WDR49: variants seen among roughly 807,000 people sequenced by gnomAD.
WDR49 encodes WD repeat domain 49.
In WDR49, 107 loss-of-function variants were observed where a neutral mutation model predicts 119.5. That is an observed-to-expected ratio of 0.90 (90% CI 0.77 to 1.05). The LOEUF is 1.05. WDR49 is among the 50% of genes least tolerant of loss of function. WDR49 has a pLI of 0.00. For synonymous variants in WDR49, 425 were observed against 418.8 expected (o/e 1.01, Z -0.18); for missense variants, 1,240 against 1,220.5 (o/e 1.02, Z -0.24).
At chr3:167,542,486 C>G (rs903329797) in intron 10 of WDR49, among the ~76,000 whole-genome samples, 2 of 151,918 alleles carry the variant, frequency 1.3e-5, no homozygotes, top group East Asian at 1.9e-4. Flanking sequence ...CAAAAGGAAC[C>G]CTCAAAACTA....
At chr3:167,488,780 G>T (rs532179974) in intron 18 of WDR49, among the ~76,000 whole-genome samples, 9 of 152,092 alleles carry the variant, frequency 5.9e-5, no homozygotes, top group African/African-American at 2.2e-4. Flanking sequence ...TTTTTGCCCA[G>T]GCAACATGGT....
chr3:167,494,495 C>A (rs1250037902), intron 18 of WDR49, among the ~76,000 whole-genome samples: 1 of 151,754 alleles, frequency 6.6e-6, no homozygotes, highest in African/African-American at 2.4e-5. Context: ...AGATAAATTA[C>A]AAATGATATG....
intron 7 of WDR49, among the ~76,000 whole-genome samples, chr3:167,592,519 C>T (rs1441200853): frequency 2.0e-5 from 3 of 151,086 alleles, no homozygotes; most frequent in Non-Finnish European, 4.4e-5. Flanking sequence ...ACTGAAACCT[C>T]TACCTCCTGG....
At chr3:167,584,344 C>T (rs1034903958) in intron 7 of WDR49, among the ~76,000 whole-genome samples, 2 of 152,096 alleles carry the variant, frequency 1.3e-5, no homozygotes, top group Non-Finnish European at 2.9e-5. Context: ...ACTGAGAGCT[C>T]TTTCTCAATA....
At position 167,560,235 on chromosome 3, in the gene WDR49, G is replaced by T; in HGVS notation, c.1510-7C>A. On this transcript the variant is annotated splice_polypyrimidine_tract_variant and splice_region_variant and intron_variant, in intron 8 of 18. Transcript: ENST00000682715. The stretch of plus-strand genomic sequence containing the variant: ...CTGTATCAGAGCTGATTACCTAAGA[G>T]AAAATAACATTTTAAAGAAATTAAA... 1 of 1,605,618 alleles carries T rather than the reference G, an allele frequency of 6.2e-7. No individual in the cohort carries two copies. The highest frequency in any genetic ancestry group is 1.1e-5 in the South Asian group (1 of 89,850).
chr3:167,542,944 G>T (rs1234925399), intron 10 of WDR49, among the ~76,000 whole-genome samples: 3 of 151,938 alleles, frequency 2.0e-5, no homozygotes, highest in Non-Finnish European at 4.4e-5. Flanking sequence ...AGCTAAATTA[G>T]AAATGAAATG....
intron 18 of WDR49, 64 bp downstream of exon 18, chr3:167,500,089 T>G: frequency 6.9e-7 from 1 of 1,457,212 alleles, no homozygotes; most frequent in Non-Finnish European, 9.1e-7. Flanking sequence ...TCTTCTACTC[T>G]ATTTTTAAAT....
intron 7 of WDR49, among the ~76,000 whole-genome samples, chr3:167,586,568 C>G (rs1714825771): frequency 6.6e-6 from 1 of 152,158 alleles, no homozygotes; most frequent in South Asian, 2.1e-4. Context: ...ATCAAAAGCT[C>G]TTGAAAACAT....
chr3:167,577,581 T>C lies in WDR49; in HGVS notation c.1276-1430A>G, dbSNP rs184993115. On this transcript the variant is annotated intron_variant, in intron 7 of 18. Transcript: ENST00000682715. ...TCTACCTCACCTAATGCTATGAGAATTAAATGAGAGTCTATGTCAAGCACT... is the reference window on the plus strand; with the variant it reads ...TCTACCTCACCTAATGCTATGAGAACTAAATGAGAGTCTATGTCAAGCACT... 5.9e-5 allele frequency among the ~76,000 whole-genome samples: 9 copies of C among 152,244 alleles called. No homozygotes were observed. The East Asian group carries it at 1.5e-3, about 26-fold the overall frequency.
intron 9 of WDR49, among the ~76,000 whole-genome samples, chr3:167,559,352 A>C (rs1016038148): frequency 1.5e-4 from 23 of 152,184 alleles, no homozygotes; most frequent in Admixed American, 3.3e-4. Context: ...GCCATTTCCA[A>C]TCAAAGACTC....
At chr3:167,486,304 T>G (rs527966419) in intron 18 of WDR49, among the ~76,000 whole-genome samples, 4 of 152,106 alleles carry the variant, frequency 2.6e-5, no homozygotes, top group Non-Finnish European at 5.9e-5. Flanking sequence ...AAAACACACT[T>G]AAGTGCATAG....
rs1172498769 is a variant in WDR49 at position 167,529,060 on chromosome 3, T to C, written c.2398A>G (p.Asn800Asp). ...GDLDGWLKIW[N>D]IEEYCLNSSK... ...AATGTTTTTCAATTTACCTCTATAT[T>C]CCAGATTTTCAACCATCCATCAAGA... is the stretch of plus-strand genomic sequence containing the variant. The change falls in exon 14 of 19, where the codon AAT becomes GAT. Residue 800 changes from asparagine (N) to aspartate (D), a missense_variant. Asn to Asp is a conservative substitution (Grantham distance 23). Transcript: ENST00000682715. 1 of 1,576,734 alleles carries C rather than the reference T, an allele frequency of 6.3e-7. No homozygotes were observed. The highest frequency in any genetic ancestry group is 2.3e-5 in the East Asian group (1 of 44,186).
intron 7 of WDR49, among the ~76,000 whole-genome samples, chr3:167,586,401 G>A (rs7613933): frequency 0.58 from 87,694 of 152,038 alleles, 27,887 homozygotes; most frequent in African/African-American, 0.86. Flanking sequence ...AGCAAAATAC[G>A]ATTGAACTCT....
intron 10 of WDR49, among the ~76,000 whole-genome samples, chr3:167,541,727 C>T (rs1391976371): frequency 1.3e-5 from 2 of 151,974 alleles, no homozygotes; most frequent in African/African-American, 2.4e-5. Context: ...ATGTAAAAGG[C>T]CTAAATGCTC....
intron 18 of WDR49, among the ~76,000 whole-genome samples, chr3:167,484,689 CAAA>C (rs11354730): frequency 1.4e-3 from 169 of 119,378 alleles, no homozygotes; most frequent in East Asian, 1.4e-3. Flanking sequence ...AGGATGATGG[CAAA>C]AAAAAAAAAA....
In WDR49 at chr3:167,590,347, A is replaced by G. The variant is rs1577259635; in HGVS notation, c.1275+11780T>C. Among the ~76,000 whole-genome samples, 3 of 152,222 alleles carry G rather than the reference A, an allele frequency of 2.0e-5. No individual in the cohort carries two copies. In the Middle Eastern group the frequency reaches 0.01, roughly 518 times the overall value. ...TTTTGCATCAATGTTTATGAGGGCT[A>G]TCTGCCTGTGGTTTTCTTTTCTGAT... On this transcript the variant is annotated intron_variant, in intron 7 of 18. Coordinates refer to ENST00000682715, the MANE Select transcript of WDR49 (RefSeq NM_001366157.1).
At chr3:167,646,480 G>A (rs1011159743) in intron 2 of WDR49, among the ~76,000 whole-genome samples, 8 of 152,138 alleles carry the variant, frequency 5.3e-5, no homozygotes, top group Non-Finnish European at 1.2e-4. Context: ...GAACAAGTTA[G>A]TACGAAGTCA....
At chr3:167,531,999 C>T (rs531975250) in intron 12 of WDR49, among the ~76,000 whole-genome samples, 38 of 152,198 alleles carry the variant, frequency 2.5e-4, no homozygotes, top group African/African-American at 8.7e-4. Context: ...AGGCAGAATT[C>T]CAACCTCCTC....
Position 167,621,464 on chromosome 3 carries a change from T to C in WDR49, c.783+3A>G. 6.6e-7 allele frequency: 1 copy of C among 1,526,202 alleles called. No homozygotes were observed. Among genetic ancestry groups the C allele is most frequent in the Non-Finnish European group, 8.8e-7 (1 of 1,141,636 alleles). The allele number at this position is 1,526,202 out of a possible 1,614,324, so 94.5% of individuals were successfully genotyped here. On this transcript the variant is annotated splice_donor_region_variant and intron_variant, in intron 4 of 18. Coordinates refer to ENST00000682715, the MANE Select transcript of WDR49 (RefSeq NM_001366157.1). ...TATTCAATCTTAATCTACCCTCACTTACCTTTCCAGTTATATCCCCAAAAG... is the reference window on the plus strand; with the variant it reads ...TATTCAATCTTAATCTACCCTCACTCACCTTTCCAGTTATATCCCCAAAAG...
Sources: allele counts gnomAD v4.1 joint callset (sites outside exome capture counted in the v4.1 genomes callset), GRCh38; gene constraint gnomAD v4.1.1; transcripts MANE v1.5; gene names NCBI Gene and HGNC (gene_info 2026-07-23, HGNC 2026-07-21).